The following GALNT14 variants were observed in gnomAD, a reference collection of about 807,000 sequenced individuals.
GALNT14 encodes the protein polypeptide N-acetylgalactosaminyltransferase 14, also known as UDP-GalNAc:polypeptide N-acetylgalactosaminyltransferase 14.
A neutral mutation model predicts 77.5 loss-of-function variants in GALNT14; 60 were observed. That is an observed-to-expected ratio of 0.77 (90% CI 0.63 to 0.96). The LOEUF is 0.96. Ranked by LOEUF, GALNT14 falls within the 40% of genes least tolerant of loss-of-function variation. The pLI is 0.00. For missense variants in GALNT14, 710 were observed against 731.0 expected, an observed-to-expected ratio of 0.97 and a Z score of 0.33; for synonymous variants, 280 against 281.7, an observed-to-expected ratio of 0.99 and a Z score of 0.06.
chr2:31,120,487 C>T (rs1434846016), intron 1 of GALNT14, among the ~76,000 whole-genome samples: 1 of 152,126 alleles, frequency 6.6e-6, no homozygotes, highest in Non-Finnish European at 1.5e-5. Flanking sequence ...CGTAAATCAT[C>T]CATTTTGATT....
intron 6 of GALNT14, among the ~76,000 whole-genome samples, chr2:30,946,318 G>A (rs1231729165): frequency 1.3e-5 from 2 of 152,184 alleles, no homozygotes; most frequent in African/African-American, 4.8e-5. Context: ...AGTGTTGGAG[G>A]TGGGGCCTGG....
intron 13 of GALNT14, among the ~76,000 whole-genome samples, chr2:30,917,612 C>G (rs939102055): frequency 3.9e-5 from 6 of 152,248 alleles, no homozygotes; most frequent in African/African-American, 1.4e-4. Flanking sequence ...AAAGTGACAA[C>G]TGCTTGTAAG....
At chr2:30,986,559 G>T (rs2148389661) in intron 2 of GALNT14, among the ~76,000 whole-genome samples, 1 of 152,304 alleles carries the variant, frequency 6.6e-6, no homozygotes, top group Non-Finnish European at 1.5e-5. Context: ...TTTATGTATT[G>T]AAATGTAATT....
chr2:31,056,922 C>T (rs1674244524), intron 1 of GALNT14, among the ~76,000 whole-genome samples: 1 of 152,238 alleles, frequency 6.6e-6, no homozygotes, highest in African/African-American at 2.4e-5. Context: ...AAATGTGGTA[C>T]ATATACACTA....
chr2:31,060,686 A>G (rs1448508541), intron 1 of GALNT14, among the ~76,000 whole-genome samples: 1 of 152,156 alleles, frequency 6.6e-6, no homozygotes, highest in Non-Finnish European at 1.5e-5. Context: ...AGCTGGGGTG[A>G]TGTGTTTAAA....
chr2:31,135,614 G>C (rs576728379), intron 1 of GALNT14, among the ~76,000 whole-genome samples: 1 of 152,160 alleles, frequency 6.6e-6, no homozygotes. Flanking sequence ...ATGAGGAAAA[G>C]AAGGAACAAG....
At chr2:31,128,978 A>ACAC (rs11432638) in intron 1 of GALNT14, among the ~76,000 whole-genome samples, 2 of 150,954 alleles carry the variant, frequency 1.3e-5, no homozygotes, top group African/African-American at 2.5e-5. Context: ...AAAAAAAAAA[A>ACAC]AAACACACAA....
chr2:30,899,455 T>G, the GALNT14 span, among the ~76,000 whole-genome samples: 1 of 152,180 alleles, frequency 6.6e-6, no homozygotes. Flanking sequence ...CAGTAGCAGG[T>G]GCAGGCATTC....
chr2:31,016,800 C>T (rs1671396239), intron 1 of GALNT14, among the ~76,000 whole-genome samples: 1 of 152,128 alleles, frequency 6.6e-6, no homozygotes, highest in South Asian at 2.1e-4. Context: ...TTCCCTCACT[C>T]CCCTCCTCCT....
At chr2:31,037,350 C>T (rs1276971194) in intron 1 of GALNT14, among the ~76,000 whole-genome samples, 1 of 152,130 alleles carries the variant, frequency 6.6e-6, no homozygotes, top group Non-Finnish European at 1.5e-5. Context: ...ATAATTTTAC[C>T]TACTTACTGG....
At chr2:31,039,139 C>T (rs1390917236) in intron 1 of GALNT14, among the ~76,000 whole-genome samples, 1 of 152,162 alleles carries the variant, frequency 6.6e-6, no homozygotes, top group Non-Finnish European at 1.5e-5. Context: ...CAATTTTTGC[C>T]AGTGTTCTTG....
At chr2:31,051,463 C>T (rs998506705) in intron 1 of GALNT14, among the ~76,000 whole-genome samples, 1 of 152,170 alleles carries the variant, frequency 6.6e-6, no homozygotes, top group Non-Finnish European at 1.5e-5. Flanking sequence ...AACACAGAAC[C>T]CCTGTCTGAG....
intron 13 of GALNT14, among the ~76,000 whole-genome samples, chr2:30,922,121 C>T (rs914001227): frequency 4.6e-5 from 7 of 152,150 alleles, no homozygotes; most frequent in Non-Finnish European, 7.3e-5. Flanking sequence ...GCTAGTGGGA[C>T]AAGCAGGCAG....
At chr2:31,021,381 T>G (rs896883784) in intron 1 of GALNT14, among the ~76,000 whole-genome samples, 1 of 151,374 alleles carries the variant, frequency 6.6e-6, no homozygotes, top group Non-Finnish European at 1.5e-5. Flanking sequence ...CTCGGCTCAC[T>G]GCAACCTCCG....
intron 1 of GALNT14, among the ~76,000 whole-genome samples, chr2:31,071,655 C>A (rs564799156): frequency 6.6e-6 from 1 of 152,140 alleles, no homozygotes; most frequent in African/African-American, 2.4e-5. Context: ...GAATCTGCCC[C>A]CCGGTTTCTA....
intron 1 of GALNT14, among the ~76,000 whole-genome samples, chr2:31,108,775 G>A (rs1677691331): frequency 1.3e-5 from 2 of 152,190 alleles, no homozygotes; most frequent in Non-Finnish European, 2.9e-5. Flanking sequence ...TGGCTGGAGG[G>A]TCTAGCAGGC....
intron 6 of GALNT14, among the ~76,000 whole-genome samples, chr2:30,954,090 G>A (rs766792894): frequency 1.3e-5 from 2 of 152,288 alleles, no homozygotes; most frequent in Non-Finnish European, 2.9e-5. Context: ...AGGCTGCCTA[G>A]AGGAGGGGAG....
chr2:31,109,866 C>T (rs1558575105), intron 1 of GALNT14, among the ~76,000 whole-genome samples: 1 of 152,170 alleles, frequency 6.6e-6, no homozygotes, highest in Non-Finnish European at 1.5e-5. Flanking sequence ...ATACTCAGGG[C>T]TTCTTCCACC....
At chr2:31,130,521 C>T (rs1678923552) in intron 1 of GALNT14, among the ~76,000 whole-genome samples, 1 of 152,082 alleles carries the variant, frequency 6.6e-6, no homozygotes, top group Non-Finnish European at 1.5e-5. Context: ...AAGAGGATGC[C>T]CTAGGTGGCA....
Sources: gnomAD v4.1 joint callset for allele counts (sites outside exome capture counted in the v4.1 genomes callset) on GRCh38, gnomAD v4.1.1 for gene constraint, MANE v1.5 for transcripts, NCBI Gene and HGNC (gene_info 2026-07-23, HGNC 2026-07-21) for gene names.